NMI: variants seen among roughly 807,000 people sequenced by gnomAD.
NMI encodes the protein N-myc and STAT interactor.
A neutral mutation model predicts 34.3 loss-of-function variants in NMI; 39 were observed. The observed-to-expected ratio is 1.14, with a 90% CI of 0.88 to 1.49. The LOEUF is 1.49. NMI is among the 40% of genes most tolerant of loss of function. The probability of loss-of-function intolerance (pLI) is 0.00; values close to 1 mark genes in which losing one functional copy is unlikely to be tolerated. For synonymous variants in NMI, 113 were observed against 120.3 expected (o/e 0.94, Z 0.40); for missense variants, 339 against 358.1 (o/e 0.95, Z 0.43).
chr2:151,274,719 G>A (rs901686429), intron 6 of NMI, among the ~76,000 whole-genome samples: 1 of 151,556 alleles, frequency 6.6e-6, no homozygotes, highest in Non-Finnish European at 1.5e-5. Flanking sequence ...CTCATGATCT[G>A]CCTGCCTCGG....
chr2:151,282,826 T>C (rs571836396), intron 2 of NMI, 42 bp downstream of exon 2: 3 of 1,025,170 alleles, frequency 2.9e-6, no homozygotes, highest in Admixed American at 2.6e-5. Flanking sequence ...AACTAATAGA[T>C]ATAAAATAAT....
intron 1 of NMI, among the ~76,000 whole-genome samples, chr2:151,285,777 G>A (rs1185669537): frequency 6.6e-6 from 1 of 152,100 alleles, no homozygotes; most frequent in South Asian, 2.1e-4. Context: ...GGACTCTTTA[G>A]AGAAATGGTT....
chr2:151,283,418 C>T (rs1683443306), intron 1 of NMI, among the ~76,000 whole-genome samples: 1 of 152,106 alleles, frequency 6.6e-6, no homozygotes, highest in Non-Finnish European at 1.5e-5. Flanking sequence ...GGATTACAGG[C>T]GTGAGCCACA....
rs1558879741 is a variant in NMI, at chr2:151,289,275, A to AAG, written c.-7+316_-7+317dup. On this transcript the variant is annotated intron_variant, in intron 1 of 7. Coordinates refer to ENST00000243346, the MANE Select transcript of NMI (RefSeq NM_004688.3). ...CTCAAAAAAAAAAAAAAAAAAAAAA[A>AAG]AGAGAGAAAACAGCGAGGAAACACA... is the stretch of plus-strand genomic sequence containing the variant. Among the ~76,000 whole-genome samples the AAG allele has an allele frequency of 3.2e-4, 47 of 147,800 alleles. 1 individual carries two copies. Among genetic ancestry groups the AAG allele is most frequent in the African/African-American group, 1.1e-3 (42 of 38,948 alleles).
At position 151,271,613 on chromosome 2, in the gene NMI, G is replaced by A; in HGVS notation, c.741+13C>T. On this transcript the variant is annotated intron_variant, in intron 7 of 7. Coordinates refer to ENST00000243346, the MANE Select transcript of NMI (RefSeq NM_004688.3). ...AGTGAGTTCTGAAAATGAGAGAACAGAGATGACTTTACCTGATACTTTTTC... is the reference window on the plus strand; with the variant it reads ...AGTGAGTTCTGAAAATGAGAGAACAAAGATGACTTTACCTGATACTTTTTC... 3 of 1,312,142 alleles carry A rather than the reference G, an allele frequency of 2.3e-6. No homozygotes were observed. The highest frequency in any genetic ancestry group is 3.3e-6 in the Non-Finnish European group (3 of 908,526). The allele number at this position is 1,312,142 out of a possible 1,614,324, so 81.3% of individuals were successfully genotyped here. A position where few individuals can be genotyped will look rare whatever the true frequency, so the allele number is the denominator to read the frequency against.
At chr2:151,285,584 T>C (rs1218769164) in intron 1 of NMI, among the ~76,000 whole-genome samples, 1 of 134,038 alleles carries the variant, frequency 7.5e-6, no homozygotes, top group Non-Finnish European at 1.5e-5. Flanking sequence ...TGAGACTCCA[T>C]CTCAGAAAAA....
intron 1 of NMI, among the ~76,000 whole-genome samples, chr2:151,288,638 G>T (rs1484260076): frequency 6.6e-6 from 1 of 152,084 alleles, no homozygotes; most frequent in East Asian, 1.9e-4. Context: ...CATGTAATTT[G>T]TTATGGCAGC....
chr2:151,282,910 C>A lies in NMI; in HGVS notation c.39G>T (p.Lys13Asn). 1 of 1,531,590 alleles carries A rather than the reference C, an allele frequency of 6.5e-7. No homozygotes were observed. Among genetic ancestry groups the A allele is most frequent in the Non-Finnish European group, 8.8e-7 (1 of 1,134,612 alleles). 94.9% of individuals were successfully genotyped at this position (1,531,590 alleles called of 1,614,324 possible). The change falls in exon 2 of 8, where the codon AAG (lysine) becomes AAT (asparagine). Residue 13 changes from lysine (K) to asparagine (N), a missense_variant. Transcript: ENST00000243346. ...ADKDDTQQILKEHSPDEFIKD... is the reference protein window; with the variant it reads ...ADKDDTQQILNEHSPDEFIKD... ...TTATAAATTCATCTGGCGAATGCTC[C>A]TTAAGAATTTGTTGTGTGTCATCTT...
chr2:151,286,365 G>A (rs1374050731), intron 1 of NMI, among the ~76,000 whole-genome samples: 3 of 152,180 alleles, frequency 2.0e-5, no homozygotes, highest in African/African-American at 7.2e-5. Context: ...ACTAAGAAAT[G>A]TCCATACTGA....
At chr2:151,281,240 G>A (rs916081164) in intron 3 of NMI, among the ~76,000 whole-genome samples, 4 of 152,192 alleles carry the variant, frequency 2.6e-5, no homozygotes, top group African/African-American at 9.7e-5. Flanking sequence ...TTTAAATGGT[G>A]AGGATTAATA....
chr2:151,284,253 T>C (rs1683455240), intron 1 of NMI, among the ~76,000 whole-genome samples: 1 of 152,152 alleles, frequency 6.6e-6, no homozygotes, highest in Non-Finnish European at 1.5e-5. Context: ...CAGTCATATT[T>C]CAATACAATT....
At chr2:151,272,775 C>T (rs1026874525) in intron 6 of NMI, among the ~76,000 whole-genome samples, 11 of 152,112 alleles carry the variant, frequency 7.2e-5, no homozygotes, top group African/African-American at 2.4e-4. Flanking sequence ...AATTCTGATA[C>T]ATACCACAAC....
In NMI at chr2:151,282,366, C is replaced by A. The variant is rs529002426; in HGVS notation, c.82-323G>T. ...TATTACTTCAGTGCTGCATCAACTC[C>A]TTTCCTAGCTATTTGTGAGCATGAT... On this transcript the variant is annotated intron_variant, in intron 2 of 7. Transcript: ENST00000243346. Among the ~76,000 whole-genome samples, 4 of 152,332 alleles carry A rather than the reference C, an allele frequency of 2.6e-5. No individual in the cohort carries two copies. The South Asian group carries it at 8.3e-4, about 32-fold the overall frequency.
chr2:151,279,692 C>G (rs1350155627), intron 3 of NMI, among the ~76,000 whole-genome samples: 5 of 152,176 alleles, frequency 3.3e-5, no homozygotes, highest in Non-Finnish European at 7.4e-5. Context: ...CCACGTTGGC[C>G]AGGATGGTCT....
chr2:151,286,764 G>A (rs139900434), intron 1 of NMI, among the ~76,000 whole-genome samples: 149 of 152,266 alleles, frequency 9.8e-4, no homozygotes, highest in African/African-American at 3.2e-3. Context: ...TGTTCTTCGA[G>A]TCCCTTGAAT....
At chr2:151,275,328 T>G (rs899224180) in intron 6 of NMI, among the ~76,000 whole-genome samples, 156 bp downstream of exon 6, 1 of 152,166 alleles carries the variant, frequency 6.6e-6, no homozygotes, top group Non-Finnish European at 1.5e-5. Flanking sequence ...CTGGAAATAA[T>G]TTCCTACACT....
chr2:151,286,453 A>C (rs1683498886), intron 1 of NMI, among the ~76,000 whole-genome samples: 1 of 152,212 alleles, frequency 6.6e-6, no homozygotes, highest in Admixed American at 6.5e-5. Flanking sequence ...TGGGGCTCAG[A>C]AACTGATACC....
At position 151,270,799 on chromosome 2, in the gene NMI, T is replaced by C. The variant is rs1683169362; in HGVS notation, c.818A>G (p.Glu273Gly). The C allele has an allele frequency of 2.5e-6, 4 of 1,613,938 alleles. No homozygotes were observed. The highest frequency in any genetic ancestry group is 2.5e-6 in the Non-Finnish European group (3 of 1,179,838). ...TTGAAAGTGAATGTTAATTAAATCC[T>C]CCACAATTTCTTCATCCATTTGAAT... ...EGIQMDEEIV[E>G]DLINIHFQRA... The change falls in exon 8 of 8, where the codon GAG (glutamate) becomes GGG (glycine). Residue 273 changes from glutamate (E) to glycine (G), a missense_variant. By Grantham distance (98) the Glu-to-Gly change is moderately conservative. Coordinates refer to ENST00000243346, the MANE Select transcript of NMI (RefSeq NM_004688.3).
chr2:151,280,533 G>A (rs1003415314), intron 3 of NMI, among the ~76,000 whole-genome samples: 6 of 152,216 alleles, frequency 3.9e-5, no homozygotes, highest in African/African-American at 1.4e-4. Context: ...TATATGCTGA[G>A]GAGCAAGGGC....
Sources: gnomAD v4.1 joint callset for allele counts (sites outside exome capture counted in the v4.1 genomes callset) on GRCh38, gnomAD v4.1.1 for gene constraint, MANE v1.5 for transcripts, NCBI Gene and HGNC (gene_info 2026-07-23, HGNC 2026-07-21) for gene names.